The following THSD7B variants were observed in gnomAD, a reference collection of about 807,000 sequenced individuals.
THSD7B encodes the protein thrombospondin type-1 domain-containing protein 7B.
THSD7B carries 138 observed loss-of-function variants against 213.6 expected under a neutral mutation model. The ratio of observed to expected loss-of-function variants is 0.65; its 90% CI spans 0.56 to 0.74. THSD7B has a LOEUF of 0.74. Ranked by LOEUF, THSD7B falls within the 30% of genes least tolerant of loss-of-function variation. THSD7B has a pLI of 0.00. For synonymous variants in THSD7B, 742 were observed against 687.0 expected (o/e 1.08, Z -1.25); for missense variants, 1,931 against 1,991.5 (o/e 0.97, Z 0.58).
intron 2 of THSD7B, among the ~76,000 whole-genome samples, chr2:137,010,515 G>T (rs1238695650): frequency 6.6e-6 from 1 of 152,144 alleles, no homozygotes; most frequent in Non-Finnish European, 1.5e-5. Context: ...ATCACACTTG[G>T]TTGTAGTTAT....
At position 136,766,419 on chromosome 2, in the gene THSD7B, G is replaced by C. The variant is rs540577855; in HGVS notation, c.-36+732G>C. The stretch of plus-strand genomic sequence containing the variant: ...TTGAGAGTGAGGGGCAGGGAGGGGG[G>C]GACAGGCATATTTTCTACTGCATCG... On this transcript the variant is annotated intron_variant, in intron 1 of 27. Coordinates refer to ENST00000409968, the MANE Select transcript of THSD7B (RefSeq NM_001316349.2). Among the ~76,000 whole-genome samples the C allele has an allele frequency of 1.5e-3, 231 of 152,110 alleles. 3 individuals carry two copies. Among genetic ancestry groups the C allele is most frequent in the Admixed American group, 0.012 (189 of 15,284 alleles).
chr2:136,775,409 A>C (rs931036834), intron 1 of THSD7B, among the ~76,000 whole-genome samples: 1 of 152,144 alleles, frequency 6.6e-6, no homozygotes, highest in African/African-American at 2.4e-5. Context: ...GACTTGTAAC[A>C]AGTCAAGGCA....
chr2:137,279,322 G>A (rs892071217), intron 12 of THSD7B, among the ~76,000 whole-genome samples: 1 of 152,034 alleles, frequency 6.6e-6, no homozygotes, highest in Non-Finnish European at 1.5e-5. Flanking sequence ...GATTCCTTGA[G>A]CTCAAGAGTT....
chr2:137,056,340 G>T, intron 2 of THSD7B, 80 bp from the exon 3 acceptor site: 1 of 1,393,026 alleles, frequency 7.2e-7, no homozygotes. Context: ...GTTGGAAAGT[G>T]TGTTAATTGA....
intron 12 of THSD7B, among the ~76,000 whole-genome samples, chr2:137,366,729 T>TTATAAAAA (rs1415998946): frequency 4.0e-5 from 6 of 150,708 alleles, no homozygotes; most frequent in Non-Finnish European, 8.8e-5. Context: ...TTTGATATTG[T>TTATAAAAA]TATAAAAAAT....
intron 20 of THSD7B, among the ~76,000 whole-genome samples, chr2:137,639,342 A>G (rs1305170498): frequency 6.6e-6 from 1 of 152,142 alleles, no homozygotes. Flanking sequence ...TCAAGAATTG[A>G]GGTTTGGGAA....
At chr2:137,102,664 T>C (rs1688172824) in intron 4 of THSD7B, among the ~76,000 whole-genome samples, 1 of 152,086 alleles carries the variant, frequency 6.6e-6, no homozygotes. Context: ...TCTCACTAAC[T>C]AGAATAACCA....
intron 7 of THSD7B, among the ~76,000 whole-genome samples, chr2:137,191,741 T>TC (rs1196985294): frequency 2.0e-5 from 3 of 151,914 alleles, no homozygotes; most frequent in African/African-American, 7.3e-5. Flanking sequence ...CCTCAAATGC[T>TC]CCCCCACTGC....
intron 10 of THSD7B, among the ~76,000 whole-genome samples, chr2:137,252,459 G>A (rs891702938): frequency 2.0e-5 from 3 of 151,996 alleles, no homozygotes; most frequent in African/African-American, 7.2e-5. Context: ...GAGCCACCAG[G>A]CCTGGCCCTT....
chr2:137,527,776 G>A (rs893486175), intron 15 of THSD7B, among the ~76,000 whole-genome samples: 11 of 152,200 alleles, frequency 7.2e-5, no homozygotes, highest in African/African-American at 2.6e-4. Flanking sequence ...AAAAAGAAAA[G>A]TGCTGTCTTC....
intron 5 of THSD7B, among the ~76,000 whole-genome samples, chr2:137,150,484 T>A (rs961121408): frequency 6.6e-6 from 1 of 152,080 alleles, no homozygotes; most frequent in Non-Finnish European, 1.5e-5. Context: ...CTAATGTTTT[T>A]ATAAGGGGCT....
At position 137,086,655 on chromosome 2, in the gene THSD7B, T is replaced by C. The variant is rs556123490; in HGVS notation, c.951-8218T>C. Among the ~76,000 whole-genome samples, 6 of 152,308 alleles carry C rather than the reference T, an allele frequency of 3.9e-5. No homozygotes were observed. In the South Asian group the frequency reaches 1.2e-3, roughly 32 times the overall value. The stretch of plus-strand genomic sequence containing the variant: ...AGGTGTGGACATTTTTGGAGGGCCA[T>C]TGTTCACTCTACGACAATGGTCAAA... On this transcript the variant is annotated intron_variant, in intron 3 of 27. Transcript: ENST00000409968.
At chr2:137,061,391 G>C (rs149527024) in intron 3 of THSD7B, among the ~76,000 whole-genome samples, 8 of 149,272 alleles carry the variant, frequency 5.4e-5, no homozygotes, top group Non-Finnish European at 1.2e-4. Flanking sequence ...AAGACTTCCA[G>C]TACAATGTTA....
At chr2:137,359,886 T>G (rs562662660) in intron 12 of THSD7B, among the ~76,000 whole-genome samples, 2 of 152,280 alleles carry the variant, frequency 1.3e-5, no homozygotes, top group South Asian at 4.1e-4. Flanking sequence ...ACAAGACAGT[T>G]GGTATTCAAA....
intron 7 of THSD7B, among the ~76,000 whole-genome samples, chr2:137,221,194 G>C (rs1382033315): frequency 6.6e-6 from 1 of 152,196 alleles, no homozygotes; most frequent in Non-Finnish European, 1.5e-5. Flanking sequence ...GGCTGAGGCA[G>C]GAGAATGGCT....
At chr2:137,364,479 T>G (rs1305493955) in intron 12 of THSD7B, among the ~76,000 whole-genome samples, 4 of 152,180 alleles carry the variant, frequency 2.6e-5, no homozygotes, top group Non-Finnish European at 5.9e-5. Flanking sequence ...ATGACATGAT[T>G]GTATATTTAG....
chr2:137,618,307 C>A, intron 18 of THSD7B, 85 bp from the exon 19 acceptor site: 1 of 1,074,956 alleles, frequency 9.3e-7, no homozygotes, highest in Non-Finnish European at 1.4e-6. Flanking sequence ...TTATTCTCCA[C>A]CAAAGCAGAT....
chr2:136,811,804 G>T (rs999924526), intron 1 of THSD7B, among the ~76,000 whole-genome samples: 4 of 152,154 alleles, frequency 2.6e-5, no homozygotes, highest in African/African-American at 9.7e-5. Context: ...TGGCAGCACA[G>T]GGGCCTCTTT....
intron 7 of THSD7B, among the ~76,000 whole-genome samples, chr2:137,228,892 T>A (rs943073104): frequency 6.6e-6 from 1 of 152,208 alleles, no homozygotes. Context: ...GGACATAGTA[T>A]TTACTCATCA....
Sources: gnomAD v4.1 joint callset for allele counts (sites outside exome capture counted in the v4.1 genomes callset) on GRCh38, gnomAD v4.1.1 for gene constraint, MANE v1.5 for transcripts, NCBI Gene and HGNC (gene_info 2026-07-23, HGNC 2026-07-21) for gene names.